CELF2: variants seen among roughly 807,000 people sequenced by gnomAD.
CELF2 encodes the protein CUGBP Elav-like family member 2.
In CELF2, 8 loss-of-function variants were observed where a neutral mutation model predicts 62.6. That is an observed-to-expected ratio of 0.13 (90% CI 0.07 to 0.23). The LOEUF (loss-of-function observed/expected upper bound fraction) is 0.23. CELF2 is among the 10% of genes least tolerant of loss of function. The probability of loss-of-function intolerance (pLI) is 1.00; values close to 1 mark genes in which losing one functional copy is unlikely to be tolerated. For synonymous variants in CELF2, 258 were observed against 250.0 expected, an observed-to-expected ratio of 1.03 and a Z score of -0.30; for missense variants, 333 against 671.0, an observed-to-expected ratio of 0.50 and a Z score of 5.56.
chr10:11,327,702 G>A (rs2095827198), intron 12 of CELF2, among the ~76,000 whole-genome samples: 1 of 152,210 alleles, frequency 6.6e-6, no homozygotes, highest in South Asian at 2.1e-4. Flanking sequence ...TATTGGGAAT[G>A]AGACTTAATA....
At chr10:11,252,975 C>T (rs2077588798) in intron 4 of CELF2, among the ~76,000 whole-genome samples, 1 of 152,192 alleles carries the variant, frequency 6.6e-6, no homozygotes, top group Non-Finnish European at 1.5e-5. Flanking sequence ...ACTTAACCCT[C>T]TTTCATCCTC....
At chr10:10,724,687 G>A in the CELF2 span, among the ~76,000 whole-genome samples, 6 of 150,420 alleles carry the variant, frequency 4.0e-5, no homozygotes, top group African/African-American at 7.3e-5. Context: ...AGAAAAGTGC[G>A]AGATTATTCT....
rs1327979539 is a variant in CELF2 at position 11,325,928 on chromosome 10, A to C, written c.1387A>C (p.Ile463Leu). ...LQMFMPFGNVISAKVFIDKQT... is the reference protein window; with the variant it reads ...LQMFMPFGNVLSAKVFIDKQT... ...GATGTTCATGCCTTTTGGAAATGTT[A>C]TCTCTGCTAAAGTCTTCATTGACAA... The change falls in exon 12 of 13, where the codon ATC (isoleucine) becomes CTC (leucine). Residue 463 changes from isoleucine to leucine, a missense_variant. Ile to Leu is a conservative substitution (Grantham distance 5). This residue lies in a region of CELF2 where 35 missense variants were observed against 128.1 expected (regional missense o/e 0.27). Coordinates refer to ENST00000633077, the MANE Select transcript of CELF2 (RefSeq NM_001326342.2). 3 of 1,614,132 alleles carry C rather than the reference A, an allele frequency of 1.9e-6. No homozygotes were observed.
At chr10:10,687,946 A>G in the CELF2 span, among the ~76,000 whole-genome samples, 9 of 152,364 alleles carry the variant, frequency 5.9e-5, no homozygotes, top group African/African-American at 1.9e-4. Context: ...GCTGTCTCCT[A>G]TTCTGACTTG....
At chr10:10,580,899 T>C in the CELF2 span, among the ~76,000 whole-genome samples, 1 of 152,214 alleles carries the variant, frequency 6.6e-6, no homozygotes, top group Non-Finnish European at 1.5e-5. Context: ...CTAATAGAAT[T>C]ACCTGAAAAT....
intron 3 of CELF2, among the ~76,000 whole-genome samples, chr10:11,232,148 C>G (rs2068961484): frequency 6.6e-6 from 1 of 152,088 alleles, no homozygotes; most frequent in Non-Finnish European, 1.5e-5. Flanking sequence ...CCCTCTCCCC[C>G]CACCCCACAA....
chr10:10,499,537 T>G, the CELF2 span, among the ~76,000 whole-genome samples: 1 of 152,138 alleles, frequency 6.6e-6, no homozygotes, highest in Non-Finnish European at 1.5e-5. Flanking sequence ...AGGGAAAGAA[T>G]GGCAATGTGG....
the CELF2 span, among the ~76,000 whole-genome samples, chr10:10,763,501 T>C: frequency 6.6e-6 from 1 of 152,102 alleles, no homozygotes; most frequent in African/African-American, 2.4e-5. Flanking sequence ...AAACAGCCCA[T>C]TGATAAAGGG....
chr10:10,695,591 C>T, the CELF2 span, among the ~76,000 whole-genome samples: 1 of 151,600 alleles, frequency 6.6e-6, no homozygotes, highest in South Asian at 2.1e-4. Flanking sequence ...GGATAATATC[C>T]TGCAGAGTGT....
chr10:10,810,896 C>T (rs1002234797), intron 1 of CELF2, among the ~76,000 whole-genome samples: 4 of 152,160 alleles, frequency 2.6e-5, no homozygotes. Flanking sequence ...TAATTTCCAA[C>T]TCAGGCATCA....
intron 1 of CELF2, among the ~76,000 whole-genome samples, chr10:10,866,607 CAAAAAAAAA>C (rs55875778): frequency 1.1e-4 from 6 of 52,518 alleles, no homozygotes; most frequent in East Asian, 1.6e-3. Context: ...TCCATCCTCT[CAAAAAAAAA>C]AAAAAAAAAA....
intron 2 of CELF2, among the ~76,000 whole-genome samples, chr10:10,948,986 C>T (rs2048004392): frequency 6.6e-6 from 1 of 152,144 alleles, no homozygotes; most frequent in South Asian, 2.1e-4. Flanking sequence ...GTTCCAGACA[C>T]TGCCTGGACC....
Position 11,191,788 on chromosome 10 carries a change from A to G in CELF2, c.272-25637A>G, listed in dbSNP as rs1415558398. On this transcript the variant is annotated intron_variant, in intron 2 of 12. Coordinates refer to ENST00000633077, the MANE Select transcript of CELF2 (RefSeq NM_001326342.2). This position sits in a 1 kb window ranked among gnomAD's most constrained non-coding sequence, Gnocchi z 4.1. ...GATTTCTGAACAAAACGATGATCCA[A>G]AATCTGAGTGTGGAGAAACGGATCC... Among the ~76,000 whole-genome samples, 1 of 152,174 alleles carries G rather than the reference A, an allele frequency of 6.6e-6. No homozygotes were observed.
At chr10:10,758,956 A>G in the CELF2 span, among the ~76,000 whole-genome samples, 1 of 152,338 alleles carries the variant, frequency 6.6e-6, no homozygotes, top group Non-Finnish European at 1.5e-5. Context: ...CAAAGCTGCT[A>G]GGAGAGCTTC....
At chr10:11,140,322 C>T (rs1596007154) in intron 1 of CELF2, among the ~76,000 whole-genome samples, 2 of 152,106 alleles carry the variant, frequency 1.3e-5, no homozygotes, top group African/African-American at 2.4e-5. Flanking sequence ...CTCACTGCAG[C>T]CTTGAACTCC....
the CELF2 span, among the ~76,000 whole-genome samples, chr10:10,475,919 G>T: frequency 6.6e-6 from 1 of 151,816 alleles, no homozygotes; most frequent in African/African-American, 2.4e-5. Context: ...TTTTGTAATG[G>T]TTGTTGACAA....
In CELF2 at chr10:11,165,291, C is replaced by G; in HGVS notation, c.75-195C>G. The stretch of plus-strand genomic sequence containing the variant: ...CTCGACAGCAGCACGCAGTGAGAGC[C>G]TCGCCGCCGCCGAGGAGCAACTCAT... On this transcript the variant is annotated intron_variant, in intron 1 of 12. Transcript: ENST00000633077. The surrounding 1 kb of genome is among the most constrained non-coding windows in gnomAD (Gnocchi z 7.4). 1 of 1,399,694 alleles carries G rather than the reference C, an allele frequency of 7.1e-7. No homozygotes were observed. The highest frequency in any genetic ancestry group is 9.3e-7 in the Non-Finnish European group (1 of 1,078,672). The allele number at this position is 1,399,694 out of a possible 1,614,324, so 86.7% of individuals were successfully genotyped here. A position where few individuals can be genotyped will look rare whatever the true frequency, so the allele number is the denominator to read the frequency against.
At chr10:11,118,466 G>T (rs2057041544) in intron 1 of CELF2, among the ~76,000 whole-genome samples, 1 of 152,012 alleles carries the variant, frequency 6.6e-6, no homozygotes, top group South Asian at 2.1e-4. Context: ...CATGTGCCTT[G>T]CCCCCAAAGC....
chr10:10,616,903 T>A, the CELF2 span, among the ~76,000 whole-genome samples: 1,747 of 152,042 alleles, frequency 0.011, 29 homozygotes, highest in African/African-American at 0.04. Context: ...ACCACAGGCA[T>A]GCACCATTAC....
Sources: allele counts gnomAD v4.1 joint callset (sites outside exome capture counted in the v4.1 genomes callset), GRCh38; gene constraint gnomAD v4.1.1; regional missense constraint gnomAD v4.1.1; non-coding constraint Gnocchi (gnomAD v3.1); transcripts MANE v1.5; gene names NCBI Gene and HGNC (gene_info 2026-07-23, HGNC 2026-07-21).